ST3GAL6: variants seen among roughly 807,000 people sequenced by gnomAD.
ST3GAL6 encodes type 2 lactosamine alpha-2,3-sialyltransferase.
ST3GAL6 carries 31 observed loss-of-function variants against 40.5 expected under a neutral mutation model. The ratio of observed to expected loss-of-function variants is 0.77; its 90% confidence interval spans 0.58 to 1.03. The LOEUF is 1.03. ST3GAL6 is among the 50% of genes least tolerant of loss of function. The probability of loss-of-function intolerance (pLI) is 0.00; values close to 1 mark genes in which losing one functional copy is unlikely to be tolerated. For missense variants in ST3GAL6, 357 were observed against 393.2 expected, an observed-to-expected ratio of 0.91 and a Z score of 0.78; for synonymous variants, 129 against 136.9, an observed-to-expected ratio of 0.94 and a Z score of 0.40.
chr3:98,766,645 ACTC>A (rs1387317919), intron 1 of ST3GAL6, among the ~76,000 whole-genome samples: 3 of 150,862 alleles, frequency 2.0e-5, no homozygotes, highest in Non-Finnish European at 4.4e-5. Context: ...TTGGTATTGA[ACTC>A]CTGACCTCGT....
At chr3:98,768,019 C>A (rs1938546218) in intron 1 of ST3GAL6, among the ~76,000 whole-genome samples, 1 of 152,056 alleles carries the variant, frequency 6.6e-6, no homozygotes, top group South Asian at 2.1e-4. Context: ...GAAATATTCA[C>A]AGTTTAAGGC....
At chr3:98,779,968 C>T (rs2107268975) in intron 5 of ST3GAL6, among the ~76,000 whole-genome samples, 1 of 152,312 alleles carries the variant, frequency 6.6e-6, no homozygotes, top group Non-Finnish European at 1.5e-5. Context: ...CCTCTAGGGA[C>T]TCACAATTTA....
At chr3:98,756,582 T>C in intron 1 of ST3GAL6, 1 of 1,198,146 alleles carries the variant, frequency 8.3e-7, no homozygotes, top group Non-Finnish European at 1.1e-6. Context: ...ATTGCTTAAA[T>C]GTAAACTTGA....
intron 1 of ST3GAL6, among the ~76,000 whole-genome samples, chr3:98,740,225 CT>C (rs764868667): frequency 0.027 from 3,282 of 122,128 alleles, 44 homozygotes; most frequent in Non-Finnish European, 0.032. Context: ...TTGCAAAACA[CT>C]TTTTTTTTTT....
At chr3:98,747,303 C>G (rs548386763) in intron 1 of ST3GAL6, among the ~76,000 whole-genome samples, 1 of 152,196 alleles carries the variant, frequency 6.6e-6, no homozygotes, top group Non-Finnish European at 1.5e-5. Context: ...TATAGATTCA[C>G]ATAAACTGGA....
At chr3:98,761,413 G>A (rs1336791094), upstream of ST3GAL6, among the ~76,000 whole-genome samples, 7 of 152,112 alleles carry the variant, frequency 4.6e-5, no homozygotes, top group Admixed American at 4.6e-4. Context: ...TTCGAGACCA[G>A]CCTGGCCAAC....
chr3:98,793,550 A>G, intron 9 of ST3GAL6, 125 bp from the exon 10 acceptor site: 1 of 560,734 alleles, frequency 1.8e-6, no homozygotes, highest in South Asian at 3.5e-5. Flanking sequence ...TTAAAAGTAC[A>G]TGCAACTCGT....
intron 1 of ST3GAL6, among the ~76,000 whole-genome samples, chr3:98,751,893 G>A (rs369288289): frequency 1.3e-5 from 2 of 152,062 alleles, no homozygotes; most frequent in East Asian, 3.8e-4. Context: ...TATTTTTTAT[G>A]TTACTATATG....
At chr3:98,767,203 T>C (rs182841953) in intron 1 of ST3GAL6, among the ~76,000 whole-genome samples, 1 of 150,864 alleles carries the variant, frequency 6.6e-6, no homozygotes, top group African/African-American at 2.5e-5. Flanking sequence ...TTAGGACTGC[T>C]TAGCAAATAG....
At chr3:98,735,780 T>C (rs1414085332) in intron 1 of ST3GAL6, among the ~76,000 whole-genome samples, 1 of 151,758 alleles carries the variant, frequency 6.6e-6, no homozygotes, top group African/African-American at 2.4e-5. Context: ...GCTTGATGCA[T>C]GGAATAGAAT....
chr3:98,762,482 GT>G, upstream of ST3GAL6, among the ~76,000 whole-genome samples: 1 of 152,206 alleles, frequency 6.6e-6, no homozygotes, highest in South Asian at 2.1e-4. Flanking sequence ...TATATGTGCT[GT>G]TTTTTATTTC....
intron 1 of ST3GAL6, among the ~76,000 whole-genome samples, chr3:98,753,694 G>T (rs1937198395): frequency 6.6e-6 from 1 of 152,216 alleles, no homozygotes; most frequent in Non-Finnish European, 1.5e-5. Flanking sequence ...GCCAAGTGCG[G>T]TAGCTTACGC....
At chr3:98,793,453 G>A (rs550256275) in intron 9 of ST3GAL6, among the ~76,000 whole-genome samples, 1 of 152,318 alleles carries the variant, frequency 6.6e-6, no homozygotes, top group South Asian at 2.1e-4. Flanking sequence ...TCTTACTTAT[G>A]TGAGAGTTGA....
chr3:98,741,051 A>ATT (rs754205284), intron 1 of ST3GAL6, among the ~76,000 whole-genome samples: 1 of 145,120 alleles, frequency 6.9e-6, no homozygotes, highest in Non-Finnish European at 1.5e-5. Context: ...AGAGGGATTC[A>ATT]GTGTGTGTGT....
intron 2 of ST3GAL6, 86 bp downstream of exon 2, chr3:98,768,615 A>T: frequency 1.0e-6 from 1 of 982,562 alleles, no homozygotes; most frequent in Non-Finnish European, 1.6e-6. Flanking sequence ...TCCTATGAAA[A>T]AAACTTGTAC....
Position 98,733,469 on chromosome 3 carries a change from T to TG in ST3GAL6, c.-12+938dup, listed in dbSNP as rs539497286. 540 of 989,760 alleles carry TG rather than the reference T, an allele frequency of 5.5e-4. 4 individuals carry two copies. The African/African-American group carries it at 9.0e-3, about 17-fold the overall frequency. 61.3% of individuals were successfully genotyped at this position (989,760 alleles called of 1,614,324 possible). A position where few individuals can be genotyped will look rare whatever the true frequency, so the allele number is the denominator to read the frequency against. On this transcript the variant is annotated intron_variant, in intron 1 of 9. Coordinates refer to the ST3GAL6 transcript ENST00000265261. ...AAAAGGGTCTGTACGCGAGGAGGGT[T>TG]GAGGGGTCTGGAAGGTTCTGGTCTC...
chr3:98,775,893 G>A (rs1372595305), intron 5 of ST3GAL6, among the ~76,000 whole-genome samples: 4 of 152,172 alleles, frequency 2.6e-5, no homozygotes, highest in Non-Finnish European at 4.4e-5. Context: ...CCTTTAGTCT[G>A]AAGTTGCCAA....
At chr3:98,753,110 A>G (rs1203221009) in intron 1 of ST3GAL6, among the ~76,000 whole-genome samples, 1 of 152,246 alleles carries the variant, frequency 6.6e-6, no homozygotes, top group Non-Finnish European at 1.5e-5. Context: ...CTCTTGAGAT[A>G]GTTAACCAAG....
At chr3:98,760,450 G>T (rs1937639668), upstream of ST3GAL6, among the ~76,000 whole-genome samples, 1 of 152,228 alleles carries the variant, frequency 6.6e-6, no homozygotes, top group Admixed American at 6.5e-5. Flanking sequence ...TTTTGAAACA[G>T]TGTAACAGCT....
Sources: allele counts gnomAD v4.1 joint callset (sites outside exome capture counted in the v4.1 genomes callset), GRCh38; gene constraint gnomAD v4.1.1; transcripts MANE v1.5; gene names NCBI Gene and HGNC (gene_info 2026-07-23, HGNC 2026-07-21).